Variants in CPPED1 observed in about 807,000 individuals in gnomAD.
The protein encoded by CPPED1 is calcineurin like phosphoesterase domain containing 1.
A neutral mutation model predicts 28.0 loss-of-function variants in CPPED1; 28 were observed. The ratio of observed to expected loss-of-function variants is 1.00; its 90% CI spans 0.74 to 1.37. The LOEUF (loss-of-function observed/expected upper bound fraction) is 1.37, where lower values mean the gene tolerates loss of function less well. Among genes scored for constraint, CPPED1 ranks in the 40% most tolerant of loss-of-function variants. CPPED1 has a pLI of 0.00. For synonymous variants in CPPED1, 198 were observed against 180.2 expected (o/e 1.10, Z -0.79); for missense variants, 504 against 416.5 (o/e 1.21, Z -1.83).
chr16:12,768,497 T>C (rs1442892547), intron 2 of CPPED1, among the ~76,000 whole-genome samples: 2 of 152,206 alleles, frequency 1.3e-5, no homozygotes, highest in Non-Finnish European at 2.9e-5. Context: ...TAATTAAAGG[T>C]ACAGTTTCAC....
chr16:12,794,965 G>A (rs536703489), intron 1 of CPPED1, among the ~76,000 whole-genome samples: 3 of 152,246 alleles, frequency 2.0e-5, no homozygotes, highest in Non-Finnish European at 4.4e-5. Flanking sequence ...TTTGGCTGAC[G>A]CCATTCGAGA....
chr16:12,716,263 T>C (rs1596457676), intron 2 of CPPED1, among the ~76,000 whole-genome samples: 2 of 152,358 alleles, frequency 1.3e-5, no homozygotes. Context: ...ACGCTGGTGC[T>C]GCTATAAGGT....
intron 3 of CPPED1, among the ~76,000 whole-genome samples, chr16:12,698,779 C>G (rs1195101343): frequency 1.3e-5 from 2 of 152,170 alleles, no homozygotes; most frequent in South Asian, 2.1e-4. Context: ...TTTATCTTCT[C>G]TCTCTCTCAT....
At chr16:12,726,828 A>C (rs183514593) in intron 2 of CPPED1, among the ~76,000 whole-genome samples, 178 of 152,258 alleles carry the variant, frequency 1.2e-3, no homozygotes, top group African/African-American at 3.8e-3. Flanking sequence ...AAATAAATAA[A>C]TAAAATAAAA....
intron 2 of CPPED1, among the ~76,000 whole-genome samples, chr16:12,729,027 T>G (rs1305046552): frequency 2.0e-5 from 3 of 152,164 alleles, no homozygotes; most frequent in Non-Finnish European, 4.4e-5. Flanking sequence ...TCACCATCAC[T>G]GGAAACATGG....
chr16:12,687,088 G>A (rs1257684669), intron 3 of CPPED1, among the ~76,000 whole-genome samples: 1 of 151,916 alleles, frequency 6.6e-6, no homozygotes, highest in African/African-American at 2.4e-5. Flanking sequence ...TCTCAATTTT[G>A]CCTCTTGTCC....
At chr16:12,783,243 A>C (rs1184230030) in intron 1 of CPPED1, among the ~76,000 whole-genome samples, 1 of 152,214 alleles carries the variant, frequency 6.6e-6, no homozygotes, top group East Asian at 1.9e-4. Flanking sequence ...CACGCCTGTG[A>C]TTCCAGCAGT....
At chr16:12,803,605 G>T in intron 1 of CPPED1, 102 bp downstream of exon 1, 1 of 1,042,172 alleles carries the variant, frequency 9.6e-7, no homozygotes, top group Non-Finnish European at 1.3e-6. Flanking sequence ...TGCAGCCCCG[G>T]ATGGTGTCCG....
intron 1 of CPPED1, among the ~76,000 whole-genome samples, chr16:12,787,639 T>C (rs928495390): frequency 6.6e-6 from 1 of 152,050 alleles, no homozygotes; most frequent in Non-Finnish European, 1.5e-5. Flanking sequence ...ACTCCTGACC[T>C]CGTGATCTGC....
chr16:12,707,498 C>T (rs1424152627), intron 2 of CPPED1, among the ~76,000 whole-genome samples: 1 of 152,130 alleles, frequency 6.6e-6, no homozygotes, highest in African/African-American at 2.4e-5. Context: ...TGCCCTGAGA[C>T]ACAGGATGAG....
chr16:12,725,978 C>T (rs1163630407), intron 2 of CPPED1, among the ~76,000 whole-genome samples: 1 of 152,078 alleles, frequency 6.6e-6, no homozygotes, highest in Non-Finnish European at 1.5e-5. Flanking sequence ...AGGAGGATGG[C>T]TTGAGCCCAG....
chr16:12,751,131 T>C (rs2080325609), intron 2 of CPPED1, among the ~76,000 whole-genome samples: 1 of 152,018 alleles, frequency 6.6e-6, no homozygotes, highest in Non-Finnish European at 1.5e-5. Flanking sequence ...AATAAAAATA[T>C]AGAGAGATAC....
intron 3 of CPPED1, among the ~76,000 whole-genome samples, chr16:12,701,402 T>C (rs1193174508): frequency 6.6e-6 from 1 of 151,904 alleles, no homozygotes; most frequent in Non-Finnish European, 1.5e-5. Flanking sequence ...GGCATGGTGG[T>C]GCGCGCCTGT....
chr16:12,675,651 C>A (rs1461171517), intron 3 of CPPED1, among the ~76,000 whole-genome samples: 2 of 152,220 alleles, frequency 1.3e-5, no homozygotes, highest in Non-Finnish European at 2.9e-5. Context: ...GGGGCTTAGA[C>A]CTGGAAAGTG....
intron 2 of CPPED1, chr16:12,760,558 T>C (rs576019657): frequency 6.6e-6 from 1 of 152,310 alleles, no homozygotes; most frequent in Admixed American, 6.5e-5. Flanking sequence ...TATGGTCATA[T>C]GCTACTGGGG....
chr16:12,673,077 C>T (rs975299314), intron 3 of CPPED1, among the ~76,000 whole-genome samples: 1 of 152,110 alleles, frequency 6.6e-6, no homozygotes, highest in Non-Finnish European at 1.5e-5. Flanking sequence ...ATGAACAGGG[C>T]AGGGTGGCGT....
intron 3 of CPPED1, among the ~76,000 whole-genome samples, chr16:12,667,495 T>TA (rs2079831912): frequency 1.6e-4 from 25 of 152,202 alleles, no homozygotes; most frequent in Admixed American, 1.6e-3. Flanking sequence ...GGCTCATGCC[T>TA]GTAATCCCTG....
At position 12,660,563 on chromosome 16, in the gene CPPED1, C is replaced by T. The variant is rs773301802; in HGVS notation, c.*4323G>A. On this transcript the variant is annotated 3_prime_UTR_variant, in exon 4 of 4. Transcript: ENST00000381774. ...CATTAAAAAATACATAAGAGCTCCTCCATGGCTTGAGAATATTTTATGAAG... is the reference window on the plus strand; with the variant it reads ...CATTAAAAAATACATAAGAGCTCCTTCATGGCTTGAGAATATTTTATGAAG... 1 of 151,466 alleles carries T rather than the reference C, an allele frequency of 6.6e-6. No individual in the cohort carries two copies. The highest frequency in any genetic ancestry group is 1.5e-5 in the Non-Finnish European group (1 of 67,918). 9.4% of individuals were successfully genotyped at this position (151,466 alleles called of 1,614,324 possible). A position where few individuals can be genotyped will look rare whatever the true frequency, so the allele number is the denominator to read the frequency against.
chr16:12,686,733 C>T (rs1000777083), intron 3 of CPPED1, among the ~76,000 whole-genome samples: 20 of 152,174 alleles, frequency 1.3e-4, no homozygotes, highest in Admixed American at 1.2e-3. Context: ...AGACGACAGA[C>T]ATGAGAGGCA....
Sources: allele counts gnomAD v4.1 joint callset (sites outside exome capture counted in the v4.1 genomes callset), GRCh38; gene constraint gnomAD v4.1.1; transcripts MANE v1.5; gene names NCBI Gene and HGNC (gene_info 2026-07-23, HGNC 2026-07-21).